The following HSD17B12 variants were observed in gnomAD, a reference collection of about 807,000 sequenced individuals.
HSD17B12 encodes the protein hydroxysteroid 17-beta dehydrogenase 12, also known as very-long-chain 3-oxoacyl-CoA reductase.
HSD17B12 carries 32 observed loss-of-function variants against 39.3 expected under a neutral mutation model. The observed-to-expected ratio is 0.81, with a 90% CI of 0.61 to 1.09. The LOEUF is 1.09. Ranked by LOEUF, HSD17B12 falls within the 50% of genes least tolerant of loss-of-function variation. The pLI, the probability that HSD17B12 is intolerant of heterozygous loss-of-function variation, is 0.00. For missense variants in HSD17B12, 342 were observed against 382.9 expected (o/e 0.89, Z 0.89); for synonymous variants, 150 against 146.7 (o/e 1.02, Z -0.16).
rs760366859 is a variant in HSD17B12, at chr11:43,854,794, T to G, written c.764T>G (p.Phe255Cys). Residue 255 changes from phenylalanine to cysteine, a missense_variant, in exon 10 of 11, where the codon TTT (phenylalanine) becomes TGT (cysteine). Physicochemically the swap from Phe to Cys is radical, Grantham distance 205 (BLOSUM62 -2). Transcript: ENST00000278353. ...TTGGATAAGCCCTCTCCGGAGACGT[T>G]TGTGAAGTCTGCAATTAAAACAGTC... ...PTLDKPSPET[F>C]VKSAIKTVGL... 3.1e-6 allele frequency: 5 copies of G among 1,614,156 alleles called. No homozygotes were observed. The highest frequency in any genetic ancestry group is 4.2e-6 in the Non-Finnish European group (5 of 1,180,012).
intron 9 of HSD17B12, chr11:43,852,478 A>G (rs1331195994): frequency 6.6e-6 from 1 of 150,438 alleles, no homozygotes; most frequent in Non-Finnish European, 1.5e-5. Context: ...TTTAATCTTC[A>G]CTATTTTGTG....
the HSD17B12 span, among the ~76,000 whole-genome samples, chr11:43,593,582 C>A: frequency 4.6e-5 from 7 of 152,112 alleles, no homozygotes; most frequent in Non-Finnish European, 1.0e-4. Flanking sequence ...AATTCTCAAG[C>A]TTCTAAATCC....
intron 3 of HSD17B12, among the ~76,000 whole-genome samples, chr11:43,765,587 C>T (rs181726846): frequency 3.3e-5 from 5 of 152,082 alleles, no homozygotes; most frequent in African/African-American, 1.2e-4. Context: ...ATCTCACACT[C>T]TTTTTCTGGG....
chr11:43,577,015 A>G, the HSD17B12 span, among the ~76,000 whole-genome samples: 1 of 152,150 alleles, frequency 6.6e-6, no homozygotes, highest in Non-Finnish European at 1.5e-5. Context: ...GAGACTGTGC[A>G]ATATAGATCA....
chr11:43,599,149 G>T, the HSD17B12 span, among the ~76,000 whole-genome samples: 1 of 152,106 alleles, frequency 6.6e-6, no homozygotes, highest in East Asian at 1.9e-4. Flanking sequence ...TAGATAAAAA[G>T]TTTCTGGAAC....
intron 1 of HSD17B12, among the ~76,000 whole-genome samples, chr11:43,681,724 GT>G (rs776799165): frequency 4.0e-5 from 6 of 150,676 alleles, no homozygotes; most frequent in Non-Finnish European, 5.9e-5. Context: ...CCCGTAAAGA[GT>G]GAACCAAACA....
intron 1 of HSD17B12, among the ~76,000 whole-genome samples, chr11:43,743,070 C>G (rs1366533373): frequency 6.6e-6 from 1 of 152,102 alleles, no homozygotes; most frequent in Non-Finnish European, 1.5e-5. Context: ...ATAATAGTTT[C>G]TGAAGACTGT....
the HSD17B12 span, among the ~76,000 whole-genome samples, chr11:43,659,844 G>A: frequency 9.6e-4 from 146 of 152,252 alleles, no homozygotes; most frequent in African/African-American, 3.4e-3. Flanking sequence ...TGGCTTCTAG[G>A]TTGTTTATTT....
At chr11:43,576,982 G>C in the HSD17B12 span, among the ~76,000 whole-genome samples, 1 of 152,148 alleles carries the variant, frequency 6.6e-6, no homozygotes, top group African/African-American at 2.4e-5. Flanking sequence ...GATTTAATGG[G>C]CCATATCTCT....
the HSD17B12 span, among the ~76,000 whole-genome samples, chr11:43,572,909 C>A: frequency 6.6e-6 from 1 of 152,298 alleles, no homozygotes; most frequent in East Asian, 1.9e-4. Flanking sequence ...ATCATGGGAG[C>A]TGGACTGTTT....
intron 3 of HSD17B12, among the ~76,000 whole-genome samples, chr11:43,793,654 G>A (rs547417083): frequency 2.0e-5 from 3 of 152,306 alleles, no homozygotes; most frequent in Admixed American, 1.3e-4. Context: ...ACCTAAAAAT[G>A]TGTGAGTTTT....
the HSD17B12 span, among the ~76,000 whole-genome samples, chr11:43,657,712 G>C: frequency 2.6e-5 from 4 of 152,176 alleles, no homozygotes; most frequent in African/African-American, 9.7e-5. Context: ...TTTCCTTTAA[G>C]AATGTTGAAT....
intron 9 of HSD17B12, 73 bp from the exon 10 acceptor site, chr11:43,854,642 A>G: frequency 6.7e-7 from 1 of 1,497,458 alleles, no homozygotes; most frequent in Non-Finnish European, 9.2e-7. Context: ...GCAGTCAAGC[A>G]CCACTGTACA....
chr11:43,744,299 G>T (rs1002708290), intron 1 of HSD17B12, among the ~76,000 whole-genome samples: 3 of 152,042 alleles, frequency 2.0e-5, no homozygotes, highest in African/African-American at 7.2e-5. Context: ...ACTCATTTGG[G>T]TGCATTTTCA....
At position 43,709,124 on chromosome 11, in the gene HSD17B12, C is replaced by CT. The variant is rs541574271; in HGVS notation, c.160+28147dup. On this transcript the variant is annotated intron_variant, in intron 1 of 10. Coordinates refer to ENST00000278353, the MANE Select transcript of HSD17B12 (RefSeq NM_016142.3). ...TTGTTTTCACCCCTCATAAGCAAGA[C>CT]TTTTTTTTTTCTTTTTTTTGAGACA... 1.6e-3 allele frequency among the ~76,000 whole-genome samples: 233 copies of CT among 150,232 alleles called. 1 individual carries two copies. The highest frequency in any genetic ancestry group is 0.013 in the South Asian group (61 of 4,700).
intron 3 of HSD17B12, among the ~76,000 whole-genome samples, chr11:43,759,865 C>T (rs1347940875): frequency 6.6e-6 from 1 of 151,680 alleles, no homozygotes; most frequent in East Asian, 1.9e-4. Flanking sequence ...GTAGCTGGGA[C>T]TACAGGCTTG....
intron 7 of HSD17B12, among the ~76,000 whole-genome samples, chr11:43,834,851 C>A (rs928284760): frequency 3.9e-4 from 60 of 151,960 alleles, no homozygotes; most frequent in Non-Finnish European, 2.1e-4. Flanking sequence ...TGAAAAGGTA[C>A]TTTCCTGTCA....
intron 4 of HSD17B12, among the ~76,000 whole-genome samples, chr11:43,808,045 G>A (rs2135063728): frequency 6.6e-6 from 1 of 152,288 alleles, no homozygotes; most frequent in Middle Eastern, 3.4e-3. Context: ...GTTCTGACAT[G>A]AGCAACAGGG....
chr11:43,836,192 G>C (rs1449862233), intron 7 of HSD17B12, among the ~76,000 whole-genome samples: 1 of 152,136 alleles, frequency 6.6e-6, no homozygotes, highest in Non-Finnish European at 1.5e-5. Context: ...AGCAGTGATA[G>C]GCTGCAGCTT....
Sources: allele counts gnomAD v4.1 joint callset (sites outside exome capture counted in the v4.1 genomes callset), GRCh38; gene constraint gnomAD v4.1.1; transcripts MANE v1.5; gene names NCBI Gene and HGNC (gene_info 2026-07-23, HGNC 2026-07-21).